Variants in MIA2 observed in about 807,000 individuals in gnomAD.
MIA2 encodes melanoma inhibitory activity protein 2.
Under a neutral mutation model 167.8 loss-of-function variants are expected in MIA2, and 127 were observed. The observed-to-expected ratio is 0.76, with a 90% confidence interval of 0.66 to 0.88. The LOEUF is 0.88. Ranked by LOEUF, MIA2 falls within the 40% of genes least tolerant of loss-of-function variation. The pLI is 0.00. For missense variants in MIA2, 1,690 were observed against 1,624.7 expected (o/e 1.04, Z -0.69); for synonymous variants, 552 against 541.9 (o/e 1.02, Z -0.26).
At chr14:39,304,468 T>G in intron 17 of MIA2, 87 bp downstream of exon 17, 2 of 702,784 alleles carry the variant, frequency 2.8e-6, no homozygotes, top group Middle Eastern at 5.1e-4. Flanking sequence ...TGAATTAACT[T>G]TGGGAAGATC....
chr14:39,321,935 T>G (rs919248623), intron 24 of MIA2, among the ~76,000 whole-genome samples: 2 of 151,942 alleles, frequency 1.3e-5, no homozygotes, highest in Admixed American at 6.6e-5. Flanking sequence ...TAATTTTTTT[T>G]TGTATTTTTA....
At chr14:39,352,338 A>G (rs1205967456), downstream of MIA2, among the ~76,000 whole-genome samples, 1 of 151,010 alleles carries the variant, frequency 6.6e-6, no homozygotes, top group African/African-American at 2.4e-5. Flanking sequence ...TGAATCATCT[A>G]TCTTGGTGTT....
chr14:39,257,751 T>C (rs1020465677), intron 6 of MIA2, among the ~76,000 whole-genome samples: 1 of 152,212 alleles, frequency 6.6e-6, no homozygotes, highest in African/African-American at 2.4e-5. Flanking sequence ...TTAGTGCTTC[T>C]TTCAGGAGCC....
intron 19 of MIA2, among the ~76,000 whole-genome samples, chr14:39,313,819 C>A (rs901569497): frequency 6.6e-6 from 1 of 151,662 alleles, no homozygotes; most frequent in Non-Finnish European, 1.5e-5. Flanking sequence ...AGGTGTGCCA[C>A]AAAAAGAAGA....
At chr14:39,380,746 A>C (rs551067343) in intron 23 of MIA2, among the ~76,000 whole-genome samples, 45 of 151,746 alleles carry the variant, frequency 3.0e-4, no homozygotes, top group Non-Finnish European at 8.8e-5. Flanking sequence ...AATTATAGAA[A>C]TCTACCATAG....
At position 39,247,541 on chromosome 14, in the gene MIA2, G is replaced by A. The variant is rs2152628093; in HGVS notation, c.967G>A (p.Glu323Lys). ...GFTSYLGFGDEDTGLELIAEE... is the reference protein window; with the variant it reads ...GFTSYLGFGDKDTGLELIAEE... ...TACAAGTTATTTAGGTTTTGGAGAT[G>A]AGGATACAGGGCTTGAATTAATAGC... Residue 323 changes from glutamate (E) to lysine (K), a missense_variant, in exon 4 of 29, where the codon GAG (glutamate) becomes AAG (lysine). Glu to Lys is a moderately conservative substitution (Grantham distance 56). Transcript: ENST00000640607. 1.2e-6 allele frequency: 2 copies of A among 1,614,078 alleles called. No individual in the cohort carries two copies. The highest frequency in any genetic ancestry group is 2.2e-5 in the East Asian group (1 of 44,868).
intron 24 of MIA2, among the ~76,000 whole-genome samples, chr14:39,322,857 A>G (rs916279820): frequency 2.6e-5 from 4 of 152,218 alleles, no homozygotes; most frequent in African/African-American, 9.6e-5. Context: ...TGTGTTTTAT[A>G]AGAGCTGATG....
rs767704007 is a variant in MIA2, at chr14:39,279,335, A to G, written c.2020-2A>G. The G allele has an allele frequency of 3.1e-6, 5 of 1,601,432 alleles. No homozygotes were observed. Among genetic ancestry groups the G allele is most frequent in the Non-Finnish European group, 4.2e-6 (5 of 1,176,672 alleles). On this transcript the variant is annotated splice_acceptor_variant, in intron 7 of 28. Transcript: ENST00000640607. LOFTEE classifies it high-confidence loss of function. ...GTAATTTTTGTTAAAAATTTGTTTC[A>G]GGTTAGGAGTCGGCTTTATGTGGGT...
At chr14:39,382,477 C>G (rs1226200471) in intron 23 of MIA2, among the ~76,000 whole-genome samples, 2 of 152,116 alleles carry the variant, frequency 1.3e-5, no homozygotes, top group Non-Finnish European at 2.9e-5. Context: ...TACCTTTCTG[C>G]AAAGATGATT....
intron 25 of MIA2, among the ~76,000 whole-genome samples, chr14:39,341,863 G>T (rs1270864110): frequency 6.6e-6 from 1 of 152,078 alleles, no homozygotes; most frequent in African/African-American, 2.4e-5. Context: ...TATTGATAAA[G>T]CTGTATATAG....
Position 39,321,172 on chromosome 14 carries a change from C to G in MIA2, c.3496+116C>G, listed in dbSNP as rs1474714458. 9.4e-6 allele frequency: 9 copies of G among 954,860 alleles called. No homozygotes were observed. The African/African-American group carries it at 1.5e-4, about 16-fold the overall frequency. 59.1% of individuals were successfully genotyped at this position (954,860 alleles called of 1,614,324 possible). ...TTGGAAAATACAGGCATTCCTTGCA[C>G]TTACTGTAGATAACTTTTATTTGGA... is the stretch of plus-strand genomic sequence containing the variant. On this transcript the variant is annotated intron_variant, in intron 24 of 28. Transcript: ENST00000640607.
chr14:39,327,551 GATA>G (rs1433476891), intron 25 of MIA2, among the ~76,000 whole-genome samples: 1 of 151,966 alleles, frequency 6.6e-6, no homozygotes, highest in Non-Finnish European at 1.5e-5. Context: ...CTTGAAATAA[GATA>G]ATAACTGCCA....
chr14:39,293,457 T>TA, intron 11 of MIA2, 76 bp downstream of exon 11: 2 of 988,792 alleles, frequency 2.0e-6, no homozygotes, highest in Non-Finnish European at 3.0e-6. Flanking sequence ...TGATACTGGT[T>TA]AAAGTATTAC....
intron 6 of MIA2, among the ~76,000 whole-genome samples, chr14:39,275,391 T>C (rs1236067946): frequency 6.6e-6 from 1 of 152,242 alleles, no homozygotes; most frequent in Admixed American, 6.5e-5. Context: ...TCCGCCTACG[T>C]TGGCTTCCCA....
intron 23 of MIA2, among the ~76,000 whole-genome samples, chr14:39,372,029 G>T (rs1231428535): frequency 6.6e-6 from 1 of 151,976 alleles, no homozygotes; most frequent in Non-Finnish European, 1.5e-5. Flanking sequence ...GTCTTGGGGT[G>T]AATTTCCATC....
At chr14:39,325,849 G>T (rs1175959358) in intron 24 of MIA2, among the ~76,000 whole-genome samples, 1 of 151,994 alleles carries the variant, frequency 6.6e-6, no homozygotes, top group Non-Finnish European at 1.5e-5. Context: ...TAGTAGCTGG[G>T]ATTACAGGCA....
At chr14:39,265,095 T>C (rs977300089) in intron 6 of MIA2, among the ~76,000 whole-genome samples, 2 of 152,150 alleles carry the variant, frequency 1.3e-5, no homozygotes, top group African/African-American at 4.8e-5. Context: ...CAATTATAGA[T>C]TGTAAGAGGG....
chr14:39,283,759 T>TA (rs1305876181), intron 9 of MIA2, among the ~76,000 whole-genome samples: 3 of 152,214 alleles, frequency 2.0e-5, no homozygotes, highest in Admixed American at 2.0e-4. Context: ...TGATTGGTGA[T>TA]ATTGAACACC....
intron 23 of MIA2, among the ~76,000 whole-genome samples, chr14:39,356,564 C>G (rs1421257399): frequency 6.6e-6 from 1 of 152,114 alleles, no homozygotes; most frequent in Non-Finnish European, 1.5e-5. Flanking sequence ...TTCAGTTCTG[C>G]TCTGATATTA....
Sources: allele counts gnomAD v4.1 joint callset (sites outside exome capture counted in the v4.1 genomes callset), GRCh38; gene constraint gnomAD v4.1.1; transcripts MANE v1.5; gene names NCBI Gene and HGNC (gene_info 2026-07-23, HGNC 2026-07-21).